Variants in GPC1 observed in about 807,000 individuals in gnomAD.
GPC1 encodes glypican 1, also known as glypican-1.
Under a neutral mutation model 51.5 loss-of-function variants are expected in GPC1, and 26 were observed. That is an observed-to-expected ratio of 0.50 (90% confidence interval 0.37 to 0.70). GPC1 has a LOEUF of 0.70. Ranked by LOEUF, GPC1 falls within the 30% of genes least tolerant of loss-of-function variation. The probability of loss-of-function intolerance (pLI) is 0.00; values close to 1 mark genes in which losing one functional copy is unlikely to be tolerated. For synonymous variants in GPC1, 380 were observed against 348.3 expected, an observed-to-expected ratio of 1.09 and a Z score of -1.01; for missense variants, 775 against 800.5, an observed-to-expected ratio of 0.97 and a Z score of 0.38.
Position 240,448,540 on chromosome 2 carries a change from C to T in GPC1, c.167-10490C>T, listed in dbSNP as rs75206955. Reference sequence around the variant, plus strand: ...CCGGCTCTCCTCCGGCAGGTGGCTTCGGGAAATGGGTGGGAGTCACGGAGG... The same window carrying T: ...CCGGCTCTCCTCCGGCAGGTGGCTTTGGGAAATGGGTGGGAGTCACGGAGG... On this transcript the variant is annotated intron_variant, in intron 1 of 8. Coordinates refer to ENST00000264039, the MANE Select transcript of GPC1 (RefSeq NM_002081.3). The surrounding 1 kb of genome is among the most constrained non-coding windows in gnomAD (Gnocchi z 4.5). Among the ~76,000 whole-genome samples, 13,221 of 152,170 alleles carry T rather than the reference C, an allele frequency of 0.087. 807 individuals are homozygous for T. Among genetic ancestry groups the T allele is most frequent in the East Asian group, 0.19 (983 of 5,162 alleles).
rs369067202 is a variant in GPC1 at position 240,466,236 on chromosome 2, C to T, written c.1623C>T (p.Leu541=). ...AASCPQPPTF[L]LPLLLFLALT... is the part of the protein sequence containing the mutation. ...GCTGCCCCCAGCCCCCGACCTTCCT[C>T]CTGCCCCTCCTCCTCTTCCTGGCCC... Residue 541 remains leucine (L), a synonymous_variant, in exon 9 of 9, where the codon CTC becomes CTT. Transcript: ENST00000264039. The T allele has an allele frequency of 2.3e-5, 37 of 1,612,110 alleles. No individual in the cohort carries two copies. Among genetic ancestry groups the T allele is most frequent in the African/African-American group, 4.0e-5 (3 of 74,890 alleles).
In GPC1 at chr2:240,454,458, G is replaced by T. The variant is rs191150774; in HGVS notation, c.167-4572G>T. On this transcript the variant is annotated intron_variant, in intron 1 of 8. Coordinates refer to ENST00000264039, the MANE Select transcript of GPC1 (RefSeq NM_002081.3). ...GGGGCTGGGGCAGGCTTCGAGAAGA[G>T]GGTTCGGGCTTGGGGAAAGCCTTCG... Among the ~76,000 whole-genome samples the T allele has an allele frequency of 4.4e-3, 665 of 152,340 alleles. 4 individuals carry two copies. Among genetic ancestry groups the T allele is most frequent in the African/African-American group, 0.015 (633 of 41,580 alleles).
intron 1 of GPC1, among the ~76,000 whole-genome samples, chr2:240,457,053 G>A (rs771673653): frequency 3.2e-4 from 49 of 152,152 alleles, no homozygotes; most frequent in African/African-American, 3.1e-4. Context: ...GGCGGGGGGC[G>A]CAGGTGCACT....
chr2:240,459,037 C>G lies in GPC1; in HGVS notation c.174C>G (p.His58Gln). Residue 58 changes from histidine (H) to glutamine (Q), a missense_variant, in exon 2 of 9, where the codon CAC becomes CAG. Physicochemically the swap from His to Gln is conservative, Grantham distance 24. Coordinates refer to ENST00000264039, the MANE Select transcript of GPC1 (RefSeq NM_002081.3). ...ACTGGCCTTTCCCCACAGGTGAGCA[C>G]CTGCGGATCTGTCCCCAGGGCTACA... ...DVPQAEISGEHLRICPQGYTC... is the reference protein window; with the variant it reads ...DVPQAEISGEQLRICPQGYTC... The G allele has an allele frequency of 6.2e-7, 1 of 1,612,736 alleles. No individual in the cohort carries two copies. Among genetic ancestry groups the G allele is most frequent in the East Asian group, 2.2e-5 (1 of 44,870 alleles).
At chr2:240,449,027 G>A (rs937069128) in intron 1 of GPC1, among the ~76,000 whole-genome samples, 1 of 152,132 alleles carries the variant, frequency 6.6e-6, no homozygotes, top group African/African-American at 2.4e-5. Context: ...ACCTGGGGGG[G>A]AAGCCACCTA....
chr2:240,449,869 A>T (rs772082696), intron 1 of GPC1: 1 of 470,678 alleles, frequency 2.1e-6, no homozygotes, highest in Non-Finnish European at 4.4e-6. Flanking sequence ...ACGCCGGAGC[A>T]TGTGTCAGAA....
At chr2:240,451,304 G>A (rs115437556) in intron 1 of GPC1, 8 of 469,160 alleles carry the variant, frequency 1.7e-5, no homozygotes, top group East Asian at 7.0e-5. Context: ...TGGCTGCTGC[G>A]TCCCCTTCTG....
At chr2:240,459,238 G>C (rs1256872467) in intron 2 of GPC1, 50 bp downstream of exon 2, 1 of 1,549,772 alleles carries the variant, frequency 6.5e-7, no homozygotes, top group East Asian at 2.3e-5. Flanking sequence ...CGGTGCATCG[G>C]GGGAGGGGCA....
intron 1 of GPC1, among the ~76,000 whole-genome samples, chr2:240,439,876 G>A (rs995769243): frequency 1.3e-5 from 2 of 152,184 alleles, no homozygotes; most frequent in Non-Finnish European, 2.9e-5. Context: ...CATCCCCAGC[G>A]TGAGGACCGA....
At position 240,438,095 on chromosome 2, in the gene GPC1, G is replaced by A. The variant is rs556913877; in HGVS notation, c.166+2011G>A. Among the ~76,000 whole-genome samples the A allele has an allele frequency of 7.2e-5, 11 of 152,308 alleles. No individual in the cohort carries two copies. The East Asian group carries it at 9.7e-4, about 13-fold the overall frequency. ...GCTGTCCACCCCGCGTGGGGAGTAC[G>A]AACGCCCTGCAGCTGTCTAACCACG... On this transcript the variant is annotated intron_variant, in intron 1 of 8. Transcript: ENST00000264039.
chr2:240,458,189 TA>T (rs1574773931), intron 1 of GPC1: 1 of 413,380 alleles, frequency 2.4e-6, no homozygotes, highest in African/African-American at 2.1e-5. Flanking sequence ...GCACACCCTT[TA>T]AAAAATGCAG....
At chr2:240,462,150 G>A in intron 2 of GPC1, 41 bp from the exon 3 acceptor site, 4 of 1,512,324 alleles carry the variant, frequency 2.6e-6, no homozygotes, top group Non-Finnish European at 2.7e-6. Context: ...TGCCACGGCG[G>A]GGGAAACATG....
At chr2:240,457,624 T>C (rs529852541) in intron 1 of GPC1, among the ~76,000 whole-genome samples, 91 of 152,244 alleles carry the variant, frequency 6.0e-4, no homozygotes, top group Middle Eastern at 3.4e-3. Flanking sequence ...TACAGATCCC[T>C]GCTCCCACCT....
Position 240,462,172 on chromosome 2 carries a change from GC to G in GPC1, c.326-14del. The G allele has an allele frequency of 1.3e-6, 2 of 1,549,146 alleles. No homozygotes were observed. Among genetic ancestry groups the G allele is most frequent in the Admixed American group, 1.8e-5 (1 of 54,868 alleles). On this transcript the variant is annotated intron_variant, in intron 2 of 8. Transcript: ENST00000264039. ...GCGGGGGAAACATGGTCCCGATCAC[GC>G]CCCCTCCCTGTGCGCAGACCACTTC...
intron 1 of GPC1, chr2:240,442,222 G>T (rs2074022142): frequency 6.7e-6 from 1 of 149,084 alleles, no homozygotes; most frequent in Admixed American, 6.6e-5. Flanking sequence ...TACCCTCCCT[G>T]TTGCCGGGGC....
In GPC1 at chr2:240,463,342, C is replaced by T. The variant is rs1427092226; in HGVS notation, c.718-5C>T. On this transcript the variant is annotated splice_region_variant and splice_polypyrimidine_tract_variant and intron_variant, in intron 3 of 8. Transcript: ENST00000264039. ...GGGCCTGGCTTAGGGTCCCTTGCTC[C>T]CCAGGTCCCCCTGGGCCCGGAGTGC... The T allele has an allele frequency of 6.2e-7, 1 of 1,612,266 alleles. No homozygotes were observed. The highest frequency in any genetic ancestry group is 1.7e-5 in the Admixed American group (1 of 59,996).
intron 1 of GPC1, among the ~76,000 whole-genome samples, chr2:240,445,129 A>T (rs1189725640): frequency 6.6e-6 from 1 of 152,172 alleles, no homozygotes; most frequent in African/African-American, 2.4e-5. Context: ...GGGGGGCTGT[A>T]CACAGAACAC....
chr2:240,458,582 C>T (rs2074190082), intron 1 of GPC1: 1 of 173,266 alleles, frequency 5.8e-6, no homozygotes, highest in Non-Finnish European at 1.2e-5. Context: ...GCAGTGGGAG[C>T]TTGGTGCCCC....
intron 2 of GPC1, 132 bp from the exon 3 acceptor site, chr2:240,462,059 G>A: frequency 2.3e-6 from 2 of 883,626 alleles, no homozygotes; most frequent in South Asian, 4.2e-5. Context: ...AGCCGCTGCA[G>A]TGTGGCGTCC....
Sources: gnomAD v4.1 joint callset for allele counts (sites outside exome capture counted in the v4.1 genomes callset) on GRCh38, gnomAD v4.1.1 for gene constraint, Gnocchi (gnomAD v3.1) non-coding constraint, MANE v1.5 for transcripts, NCBI Gene and HGNC (gene_info 2026-07-23, HGNC 2026-07-21) for gene names.